KIAA0513: variants seen among roughly 807,000 people sequenced by gnomAD.
KIAA0513 encodes the protein uncharacterized protein KIAA0513.
Under a neutral mutation model 56.5 loss-of-function variants are expected in KIAA0513, and 39 were observed. That is an observed-to-expected ratio of 0.69 (90% CI 0.53 to 0.90). The LOEUF is 0.90. Ranked by LOEUF, KIAA0513 falls within the 40% of genes least tolerant of loss-of-function variation. The pLI, the probability that KIAA0513 is intolerant of heterozygous loss-of-function variation, is 0.00. For synonymous variants in KIAA0513, 268 were observed against 215.6 expected (o/e 1.24, Z -2.13); for missense variants, 591 against 535.2 (o/e 1.10, Z -1.03).
intron 3 of KIAA0513, among the ~76,000 whole-genome samples, chr16:85,072,335 A>T (rs1219401107): frequency 6.6e-6 from 1 of 152,234 alleles, no homozygotes; most frequent in Non-Finnish European, 1.5e-5. Context: ...CATGTGAATT[A>T]TGTGCGTGCA....
In KIAA0513 at chr16:85,091,416, A is replaced by G. The variant is rs2073866228; in HGVS notation, c.*3091A>G. Reference sequence around the variant, plus strand: ...GATGTCGTAAGTTCTCTGTAAGTGAAATGGGGTAGACTGTATGATTTTCCT... The same window carrying G: ...GATGTCGTAAGTTCTCTGTAAGTGAGATGGGGTAGACTGTATGATTTTCCT... On this transcript the variant is annotated 3_prime_UTR_variant, in exon 13 of 13. Transcript: ENST00000683363. 6.6e-6 allele frequency: 1 copy of G among 152,164 alleles called. No homozygotes were observed. Among genetic ancestry groups the G allele is most frequent in the Non-Finnish European group, 1.5e-5 (1 of 68,026 alleles). The allele number at this position is 152,164 out of a possible 1,614,324, so 9.4% of individuals were successfully genotyped here. A position where few individuals can be genotyped will look rare whatever the true frequency, so the allele number is the denominator to read the frequency against.
At chr16:85,075,821 A>G (rs2144058350) in intron 4 of KIAA0513, 23 bp from the exon 5 acceptor site, 1 of 1,613,500 alleles carries the variant, frequency 6.2e-7, no homozygotes, top group East Asian at 2.2e-5. Context: ...ATCTTTAGCC[A>G]TGAGCCTTGC....
chr16:85,059,808 C>G (rs1479481794), intron 1 of KIAA0513, among the ~76,000 whole-genome samples: 1 of 152,182 alleles, frequency 6.6e-6, no homozygotes, highest in Non-Finnish European at 1.5e-5. Context: ...AACCTATTTC[C>G]CCAAAGTGTT....
chr16:85,036,958 A>T (rs1270893776), intron 1 of KIAA0513, among the ~76,000 whole-genome samples: 5 of 152,138 alleles, frequency 3.3e-5, no homozygotes, highest in Non-Finnish European at 7.4e-5. Flanking sequence ...TTCTGGCCTT[A>T]TTCCAGAAAC....
At chr16:85,070,170 CAAA>C (rs541754961) in intron 2 of KIAA0513, among the ~76,000 whole-genome samples, 1 of 91,936 alleles carries the variant, frequency 1.1e-5, no homozygotes. Context: ...GACCCTGTCT[CAAA>C]AAAAAAAAAA....
At chr16:85,061,155 T>A (rs1312598924) in intron 1 of KIAA0513, among the ~76,000 whole-genome samples, 78 of 144,322 alleles carry the variant, frequency 5.4e-4, no homozygotes, top group Admixed American at 9.1e-4. Context: ...AGTCTCCGTC[T>A]CAAAAAAAAA....
intron 1 of KIAA0513, among the ~76,000 whole-genome samples, chr16:85,056,371 C>T (rs2073329627): frequency 6.6e-6 from 1 of 152,154 alleles, no homozygotes; most frequent in South Asian, 2.1e-4. Flanking sequence ...CAGGAGAAGC[C>T]CGTCAGTAAG....
rs2073758641 is a variant in KIAA0513 at position 85,082,570 on chromosome 16, T to C, written c.987T>C (p.Asp329=). ...RTKRSPTTRG[D]AGEEEEKREK... is the part of the protein sequence containing the mutation. Reference sequence around the variant, plus strand: ...GTTTCTGCTGCCGCTCCAGAGGGGATGCTGGAGAGGAGGAGGAGAAGAGGT... The same window carrying C: ...GTTTCTGCTGCCGCTCCAGAGGGGACGCTGGAGAGGAGGAGGAGAAGAGGT... The change falls in exon 10 of 13, where the codon GAT becomes GAC. Residue 329 remains aspartate, a synonymous_variant. Coordinates refer to ENST00000683363, the MANE Select transcript of KIAA0513 (RefSeq NM_001388359.1). The C allele has an allele frequency of 3.1e-6, 5 of 1,614,068 alleles. No individual in the cohort carries two copies. The highest frequency in any genetic ancestry group is 4.2e-6 in the Non-Finnish European group (5 of 1,179,964).
chr16:85,080,226 G>A (rs892015316), intron 8 of KIAA0513, among the ~76,000 whole-genome samples: 1 of 152,196 alleles, frequency 6.6e-6, no homozygotes, highest in Non-Finnish European at 1.5e-5. Context: ...TGGTGATTCA[G>A]CTCAGCTCCT....
intron 6 of KIAA0513, 150 bp downstream of exon 6, chr16:85,077,782 G>T: frequency 1.5e-6 from 1 of 651,080 alleles, no homozygotes. Context: ...CCCACGGCTT[G>T]CTATGGTCTG....
intron 2 of KIAA0513, among the ~76,000 whole-genome samples, chr16:85,071,146 G>T (rs12596553): frequency 0.16 from 24,014 of 152,138 alleles, 2,457 homozygotes; most frequent in South Asian, 0.23. Flanking sequence ...AATCATGTGA[G>T]CATGTTATCC....
At chr16:85,060,431 A>AT (rs2073387688) in intron 1 of KIAA0513, among the ~76,000 whole-genome samples, 1 of 152,122 alleles carries the variant, frequency 6.6e-6, no homozygotes, top group African/African-American at 2.4e-5. Context: ...CCGGTGCCCC[A>AT]TGTGCACAGT....
At chr16:85,028,544 T>G (rs771508300) in intron 1 of KIAA0513, among the ~76,000 whole-genome samples, 2 of 152,010 alleles carry the variant, frequency 1.3e-5, no homozygotes, top group Non-Finnish European at 2.9e-5. Context: ...GACCGCTGGA[T>G]CAGATAGAAT....
chr16:85,063,145 G>C (rs2143989236), intron 1 of KIAA0513: 1 of 152,356 alleles, frequency 6.6e-6, no homozygotes, highest in South Asian at 2.1e-4. Context: ...TGAGCCCACG[G>C]AGGAAGGCGG....
chr16:85,081,352 G>A lies in KIAA0513; in HGVS notation c.940G>A (p.Ala314Thr), dbSNP rs535486014. Residue 314 changes from alanine to threonine, a missense_variant, in exon 9 of 13, where the codon GCT becomes ACT. Transcript: ENST00000683363. The surrounding 1 kb of genome is among the most constrained non-coding windows in gnomAD (Gnocchi z 4.4). ...LRFWNAAFFD[A>T]VHCERTKRSP... ...GTTCTGGAATGCAGCCTTTTTTGAC[G>A]CTGTCCATTGTGAGAGGACAAAGCG... 6 of 1,597,468 alleles carry A rather than the reference G, an allele frequency of 3.8e-6. No individual in the cohort carries two copies. The highest frequency in any genetic ancestry group is 2.7e-5 in the African/African-American group (2 of 74,546).
intron 1 of KIAA0513, among the ~76,000 whole-genome samples, chr16:85,035,838 A>G (rs530591385): frequency 5.3e-5 from 8 of 152,164 alleles, no homozygotes; most frequent in African/African-American, 1.9e-4. Context: ...AAAATTAGCC[A>G]GGCTTGGTGG....
In KIAA0513 at chr16:85,039,515, G is replaced by A. The variant is rs538521627; in HGVS notation, c.-173+11657G>A. On this transcript the variant is annotated intron_variant, in intron 1 of 12. Transcript: ENST00000683363. ...GATGGGGTTTTGCTGTGTTGCCCAT[G>A]CTGGTCTTGAATTCCTGGGTTCAAG... is the stretch of plus-strand genomic sequence containing the variant. 2.4e-3 allele frequency among the ~76,000 whole-genome samples: 361 copies of A among 152,242 alleles called. 3 individuals are homozygous for A. The highest frequency in any genetic ancestry group is 3.5e-3 in the South Asian group (17 of 4,818).
At chr16:85,032,949 A>G (rs2072986097) in intron 1 of KIAA0513, among the ~76,000 whole-genome samples, 1 of 152,014 alleles carries the variant, frequency 6.6e-6, no homozygotes, top group Admixed American at 6.6e-5. Flanking sequence ...CCTATTTTCA[A>G]TTAAGTTCAC....
chr16:85,033,154 A>T (rs1372172503), intron 1 of KIAA0513, among the ~76,000 whole-genome samples: 1 of 152,196 alleles, frequency 6.6e-6, no homozygotes, highest in Non-Finnish European at 1.5e-5. Flanking sequence ...CATGATCCTT[A>T]TGATTTGCGA....
Sources: gnomAD v4.1 joint callset for allele counts (sites outside exome capture counted in the v4.1 genomes callset) on GRCh38, gnomAD v4.1.1 for gene constraint, Gnocchi (gnomAD v3.1) non-coding constraint, MANE v1.5 for transcripts, NCBI Gene and HGNC (gene_info 2026-07-23, HGNC 2026-07-21) for gene names.